The following RARB variants were observed in gnomAD, a reference collection of about 807,000 sequenced individuals.
The protein encoded by RARB is retinoic acid receptor beta.
A neutral mutation model predicts 51.9 loss-of-function variants in RARB; 17 were observed. That is an observed-to-expected ratio of 0.33 (90% confidence interval 0.22 to 0.49). The LOEUF (loss-of-function observed/expected upper bound fraction) is 0.49, where lower values mean the gene tolerates loss of function less well. RARB is among the 20% of genes least tolerant of loss of function. RARB has a pLI of 0.99. For synonymous variants in RARB, 215 were observed against 195.4 expected, an observed-to-expected ratio of 1.10 and a Z score of -0.84; for missense variants, 369 against 550.8, an observed-to-expected ratio of 0.67 and a Z score of 3.30.
At chr3:24,964,814 C>G (rs968650629) in intron 2 of RARB, among the ~76,000 whole-genome samples, 1 of 152,284 alleles carries the variant, frequency 6.6e-6, no homozygotes, top group Middle Eastern at 3.4e-3. Flanking sequence ...GCGATGTCCC[C>G]GCTTTCTGTT....
Position 24,894,819 on chromosome 3 carries a change from C to T in RARB, c.-380+36067C>T, listed in dbSNP as rs114624007. Among the ~76,000 whole-genome samples, 1,098 of 152,276 alleles carry T rather than the reference C, an allele frequency of 7.2e-3. 14 individuals are homozygous for T. The highest frequency in any genetic ancestry group is 0.025 in the African/African-American group (1,041 of 41,556). Reference sequence around the variant, plus strand: ...AAACAGAAATGAAGAAGATGTAGTACTTGCCCTCATGGAGACCATTATCCA... The same window carrying T: ...AAACAGAAATGAAGAAGATGTAGTATTTGCCCTCATGGAGACCATTATCCA... On this transcript the variant is annotated intron_variant, in intron 2 of 11. Coordinates refer to the RARB transcript ENST00000383772.
At chr3:25,206,964 G>A (rs553941754) in intron 5 of RARB, among the ~76,000 whole-genome samples, 4 of 152,198 alleles carry the variant, frequency 2.6e-5, no homozygotes, top group South Asian at 2.1e-4. Flanking sequence ...TATGAAAGTG[G>A]GGACTTTGCA....
At chr3:24,839,813 A>G (rs1702396663) in intron 1 of RARB, among the ~76,000 whole-genome samples, 1 of 152,058 alleles carries the variant, frequency 6.6e-6, no homozygotes, top group African/African-American at 2.4e-5. Context: ...TAGGGAGAGA[A>G]TATCCTTTTA....
intron 2 of RARB, among the ~76,000 whole-genome samples, chr3:24,987,966 AT>A (rs61104981): frequency 0.85 from 127,100 of 150,398 alleles, 53,742 homozygotes; most frequent in South Asian, 0.91. Context: ...CTTTCATTCC[AT>A]TTTTTTTTTT....
chr3:25,546,344 G>A (rs989173079), intron 3 of RARB, among the ~76,000 whole-genome samples: 1 of 152,202 alleles, frequency 6.6e-6, no homozygotes, highest in Admixed American at 6.5e-5. Flanking sequence ...GCTCCGTCGA[G>A]CACAGACTGG....
chr3:25,316,714 G>A (rs1704433972), intron 5 of RARB, among the ~76,000 whole-genome samples: 1 of 152,174 alleles, frequency 6.6e-6, no homozygotes, highest in South Asian at 2.1e-4. Context: ...AAAAGACGTA[G>A]CAGTATAGAC....
chr3:25,465,806 C>G (rs934274776), intron 2 of RARB, among the ~76,000 whole-genome samples: 1 of 151,590 alleles, frequency 6.6e-6, no homozygotes, highest in Non-Finnish European at 1.5e-5. Context: ...GAATGTTTAA[C>G]AGTATAAAAT....
At chr3:24,991,297 G>A (rs1050680747) in intron 2 of RARB, among the ~76,000 whole-genome samples, 3 of 152,082 alleles carry the variant, frequency 2.0e-5, no homozygotes, top group Admixed American at 6.6e-5. Flanking sequence ...AAAACAATTA[G>A]CCAGGCTTAG....
intron 5 of RARB, chr3:25,259,157 A>T: frequency 1.2e-6 from 1 of 838,114 alleles, no homozygotes; most frequent in Non-Finnish European, 1.4e-6. Context: ...AATATAGTAA[A>T]TAGATATGGT....
At chr3:25,584,717 G>C (rs1340949461) in intron 5 of RARB, among the ~76,000 whole-genome samples, 3 of 152,160 alleles carry the variant, frequency 2.0e-5, no homozygotes, top group African/African-American at 7.2e-5. Context: ...ACTGGGTTTT[G>C]AGCAGAGGTG....
intron 5 of RARB, among the ~76,000 whole-genome samples, chr3:25,411,152 G>C (rs1486871298): frequency 6.6e-6 from 1 of 151,848 alleles, no homozygotes; most frequent in African/African-American, 2.4e-5. Context: ...ATAATATATA[G>C]AAAAAATGAA....
intron 3 of RARB, among the ~76,000 whole-genome samples, chr3:25,121,878 A>T (rs936173584): frequency 3.3e-5 from 5 of 152,140 alleles, no homozygotes; most frequent in Non-Finnish European, 5.9e-5. Context: ...TTTTTGGAGG[A>T]TTATATCCCA....
intron 1 of RARB, among the ~76,000 whole-genome samples, chr3:25,434,212 A>C (rs888663459): frequency 2.0e-5 from 3 of 152,238 alleles, no homozygotes; most frequent in Admixed American, 2.0e-4. Flanking sequence ...GGGAGAAAGA[A>C]GAAAGCTGAT....
chr3:25,135,964 G>A (rs915954232), intron 4 of RARB, among the ~76,000 whole-genome samples: 6 of 151,762 alleles, frequency 4.0e-5, no homozygotes, highest in African/African-American at 1.2e-4. Flanking sequence ...AATTTTAAAT[G>A]TTATACAAGA....
At chr3:25,150,029 C>A (rs1700257633) in intron 4 of RARB, among the ~76,000 whole-genome samples, 1 of 151,996 alleles carries the variant, frequency 6.6e-6, no homozygotes, top group Non-Finnish European at 1.5e-5. Flanking sequence ...TGGTGAAACC[C>A]TGTCTCTACT....
chr3:25,555,338 C>T (rs888575935), intron 3 of RARB, among the ~76,000 whole-genome samples: 1 of 152,162 alleles, frequency 6.6e-6, no homozygotes, highest in Admixed American at 6.5e-5. Context: ...TGTCCCCTGT[C>T]GATCTTTCTC....
chr3:24,904,487 G>A (rs957270114), intron 2 of RARB, among the ~76,000 whole-genome samples: 6 of 152,166 alleles, frequency 3.9e-5, no homozygotes, highest in African/African-American at 1.2e-4. Context: ...AGTTAGAATG[G>A]CGATCATTAA....
At chr3:25,150,413 A>G (rs942425782) in intron 4 of RARB, among the ~76,000 whole-genome samples, 2 of 152,180 alleles carry the variant, frequency 1.3e-5, no homozygotes, top group Non-Finnish European at 2.9e-5. Context: ...TCCTTTGAAC[A>G]GTTAAGCCAG....
At chr3:25,500,058 G>A (rs1267608219) in intron 2 of RARB, among the ~76,000 whole-genome samples, 5 of 152,208 alleles carry the variant, frequency 3.3e-5, no homozygotes, top group Admixed American at 6.5e-5. Context: ...AGTCAGTGCT[G>A]TAGTACATTA....
Sources: allele counts gnomAD v4.1 joint callset (sites outside exome capture counted in the v4.1 genomes callset), GRCh38; gene constraint gnomAD v4.1.1; transcripts MANE v1.5; gene names NCBI Gene and HGNC (gene_info 2026-07-23, HGNC 2026-07-21).